GPC5: variants seen among roughly 807,000 people sequenced by gnomAD.
GPC5 encodes the protein glypican-5.
GPC5 carries 47 observed loss-of-function variants against 53.9 expected under a neutral mutation model. The ratio of observed to expected loss-of-function variants is 0.87; its 90% CI spans 0.69 to 1.11. The LOEUF (loss-of-function observed/expected upper bound fraction) is 1.11, where lower values mean the gene tolerates loss of function less well. Ranked by LOEUF, GPC5 falls within the 50% of genes most tolerant of loss-of-function variation. The pLI, the probability that GPC5 is intolerant of heterozygous loss-of-function variation, is 0.00. For synonymous variants in GPC5, 286 were observed against 263.3 expected (o/e 1.09, Z -0.84); for missense variants, 748 against 713.1 (o/e 1.05, Z -0.56).
intron 2 of GPC5, among the ~76,000 whole-genome samples, chr13:91,594,112 C>T (rs2032905924): frequency 6.6e-6 from 1 of 152,230 alleles, no homozygotes; most frequent in East Asian, 1.9e-4. Flanking sequence ...CATTAATTTT[C>T]TCTTGAAGTT....
At chr13:91,502,154 C>T (rs1280737785) in intron 2 of GPC5, among the ~76,000 whole-genome samples, 2 of 152,022 alleles carry the variant, frequency 1.3e-5, no homozygotes, top group African/African-American at 4.8e-5. Context: ...AGCCCTTTGT[C>T]AGATGAGTAG....
At chr13:91,802,924 T>A (rs2038159355) in intron 5 of GPC5, among the ~76,000 whole-genome samples, 1 of 152,162 alleles carries the variant, frequency 6.6e-6, no homozygotes, top group Non-Finnish European at 1.5e-5. Context: ...TTTCTCTGAC[T>A]GGATTGTTAC....
intron 7 of GPC5, among the ~76,000 whole-genome samples, chr13:92,210,813 T>G (rs2042369769): frequency 6.6e-6 from 1 of 152,174 alleles, no homozygotes; most frequent in Non-Finnish European, 1.5e-5. Context: ...GTTTCTCAAG[T>G]CAGAAATGAA....
At chr13:92,346,115 C>A (rs552464912) in intron 7 of GPC5, among the ~76,000 whole-genome samples, 4 of 152,144 alleles carry the variant, frequency 2.6e-5, no homozygotes, top group African/African-American at 9.7e-5. Context: ...AGAGGCTAGA[C>A]CTGCTTGACC....
intron 6 of GPC5, among the ~76,000 whole-genome samples, chr13:92,108,136 C>T (rs1330852942): frequency 6.6e-6 from 1 of 152,148 alleles, no homozygotes; most frequent in Non-Finnish European, 1.5e-5. Flanking sequence ...ACCTCTTATG[C>T]TCTGTTGCCT....
intron 6 of GPC5, among the ~76,000 whole-genome samples, chr13:92,116,323 G>A (rs2041601564): frequency 6.6e-6 from 1 of 151,910 alleles, no homozygotes; most frequent in South Asian, 2.1e-4. Flanking sequence ...AACTCATGAA[G>A]ACAAATAGAA....
At chr13:92,279,666 T>C (rs1336652823) in intron 7 of GPC5, among the ~76,000 whole-genome samples, 1 of 151,994 alleles carries the variant, frequency 6.6e-6, no homozygotes, top group African/African-American at 2.4e-5. Flanking sequence ...TTTATTTGTA[T>C]CTGCTGAGAT....
intron 7 of GPC5, among the ~76,000 whole-genome samples, chr13:92,597,337 G>A (rs1326195980): frequency 6.6e-6 from 1 of 151,740 alleles, no homozygotes; most frequent in Non-Finnish European, 1.5e-5. Context: ...CATGTAACCA[G>A]GGCACACACT....
intron 7 of GPC5, among the ~76,000 whole-genome samples, chr13:92,309,066 T>TA (rs1320171856): frequency 6.6e-6 from 1 of 152,098 alleles, no homozygotes; most frequent in Non-Finnish European, 1.5e-5. Context: ...AGCACTTTTT[T>TA]AAAAAATAAA....
At chr13:92,364,933 T>G (rs2043596386) in intron 7 of GPC5, among the ~76,000 whole-genome samples, 1 of 151,806 alleles carries the variant, frequency 6.6e-6, no homozygotes, top group Non-Finnish European at 1.5e-5. Context: ...GTTTGCAAGT[T>G]TTGTAAACTC....
At chr13:91,833,955 T>C (rs975667974) in intron 5 of GPC5, among the ~76,000 whole-genome samples, 1 of 152,146 alleles carries the variant, frequency 6.6e-6, no homozygotes, top group Non-Finnish European at 1.5e-5. Flanking sequence ...AGTCAGATTG[T>C]CTCTGTTTGC....
chr13:91,731,346 G>A (rs999544306), intron 4 of GPC5, among the ~76,000 whole-genome samples: 1 of 152,168 alleles, frequency 6.6e-6, no homozygotes, highest in Non-Finnish European at 1.5e-5. Flanking sequence ...GTAGCGAGGT[G>A]TTAGGAATCA....
chr13:91,827,710 T>G (rs565975668), intron 5 of GPC5, among the ~76,000 whole-genome samples: 2 of 152,218 alleles, frequency 1.3e-5, no homozygotes, highest in East Asian at 3.9e-4. Flanking sequence ...TGTTTCTTGC[T>G]GAGCGTATAG....
At chr13:92,800,389 C>G (rs1429603046) in intron 7 of GPC5, among the ~76,000 whole-genome samples, 7 of 151,790 alleles carry the variant, frequency 4.6e-5, no homozygotes, top group Non-Finnish European at 8.8e-5. Flanking sequence ...TCAAGTCAAA[C>G]CCTAACTACA....
At chr13:92,556,799 C>A (rs532591137) in intron 7 of GPC5, among the ~76,000 whole-genome samples, 3 of 151,810 alleles carry the variant, frequency 2.0e-5, no homozygotes, top group Non-Finnish European at 4.4e-5. Context: ...CGGTGTTAAT[C>A]ATCTTTCATT....
intron 7 of GPC5, among the ~76,000 whole-genome samples, chr13:92,334,319 G>A (rs534144916): frequency 1.6e-4 from 24 of 152,114 alleles, no homozygotes; most frequent in African/African-American, 4.6e-4. Flanking sequence ...CCATCAAGTC[G>A]CATGAGACTT....
At chr13:92,232,406 C>A (rs2139102656) in intron 7 of GPC5, among the ~76,000 whole-genome samples, 1 of 152,262 alleles carries the variant, frequency 6.6e-6, no homozygotes, top group East Asian at 1.9e-4. Context: ...TTCTTTTCTT[C>A]AAAAACCATA....
chr13:91,975,532 A>C (rs543044636), intron 6 of GPC5, among the ~76,000 whole-genome samples: 224 of 152,382 alleles, frequency 1.5e-3, no homozygotes, highest in African/African-American at 5.1e-3. Flanking sequence ...GCTCATCATC[A>C]CTGGCCATCA....
chr13:92,434,436 C>T (rs1594199522), intron 7 of GPC5, among the ~76,000 whole-genome samples: 1 of 151,910 alleles, frequency 6.6e-6, no homozygotes, highest in Non-Finnish European at 1.5e-5. Context: ...CAGTTATAGT[C>T]CTATATACTA....
Sources: allele counts gnomAD v4.1 joint callset (sites outside exome capture counted in the v4.1 genomes callset), GRCh38; gene constraint gnomAD v4.1.1; transcripts MANE v1.5; gene names NCBI Gene and HGNC (gene_info 2026-07-23, HGNC 2026-07-21).